YWHAB: variants seen among roughly 807,000 people sequenced by gnomAD.
YWHAB encodes 14-3-3 protein beta/alpha.
YWHAB carries 2 observed loss-of-function variants against 28.5 expected under a neutral mutation model. The observed-to-expected ratio is 0.07, with a 90% CI of 0.03 to 0.22. YWHAB has a LOEUF of 0.22. Ranked by LOEUF, YWHAB falls within the 10% of genes least tolerant of loss-of-function variation. The pLI, the probability that YWHAB is intolerant of heterozygous loss-of-function variation, is 1.00. For synonymous variants in YWHAB, 103 were observed against 104.7 expected, an observed-to-expected ratio of 0.98 and a Z score of 0.10; for missense variants, 148 against 297.1, an observed-to-expected ratio of 0.50 and a Z score of 3.69.
intron 1 of YWHAB, among the ~76,000 whole-genome samples, chr20:44,893,805 T>C (rs1170024416): frequency 2.7e-5 from 4 of 150,622 alleles, no homozygotes; most frequent in Non-Finnish European, 5.9e-5. Context: ...TTCAAGTGAT[T>C]ATCCTGCCTC....
intron 2 of YWHAB, chr20:44,903,165 CT>C: frequency 1.1e-6 from 1 of 918,080 alleles, no homozygotes; most frequent in Non-Finnish European, 1.3e-6. Context: ...ATAGTATTAG[CT>C]ACTCTTTGAG....
intron 1 of YWHAB, among the ~76,000 whole-genome samples, chr20:44,891,009 GT>G (rs2066558325): frequency 6.6e-6 from 1 of 152,118 alleles, no homozygotes; most frequent in African/African-American, 2.4e-5. Flanking sequence ...CTGACCATTG[GT>G]TTTTTAAGTT....
chr20:44,904,159 C>T (rs772753360), intron 3 of YWHAB, 43 bp downstream of exon 3: 7 of 1,606,630 alleles, frequency 4.4e-6, no homozygotes, highest in Middle Eastern at 1.7e-4. Flanking sequence ...GTAATGGAGC[C>T]AGTCTTCTTT....
intron 1 of YWHAB, chr20:44,886,249 C>T (rs573592907): frequency 3.3e-5 from 5 of 152,468 alleles, no homozygotes; most frequent in African/African-American, 9.6e-5. Context: ...AGAACGTCCC[C>T]TTCAGCCCTG....
intron 1 of YWHAB, among the ~76,000 whole-genome samples, chr20:44,894,363 AG>A: frequency 6.6e-6 from 1 of 152,344 alleles, no homozygotes; most frequent in East Asian, 1.9e-4. Context: ...AGACAAATAA[AG>A]AGTATCTTGC....
At chr20:44,889,124 A>G (rs1223586136) in intron 1 of YWHAB, among the ~76,000 whole-genome samples, 1 of 152,318 alleles carries the variant, frequency 6.6e-6, no homozygotes, top group East Asian at 1.9e-4. Flanking sequence ...TCACTAGTTA[A>G]GGGGCAAGAA....
intron 1 of YWHAB, 55 bp from the exon 2 acceptor site, chr20:44,901,476 C>T: frequency 6.6e-7 from 1 of 1,512,380 alleles, no homozygotes; most frequent in Non-Finnish European, 8.9e-7. Context: ...ACACACGTTT[C>T]CTAGGCCCCG....
Position 44,906,423 on chromosome 20 carries a change from G to C in YWHAB, c.726G>C (p.Gly242=). 6.2e-7 allele frequency: 1 copy of C among 1,612,484 alleles called. No homozygotes were observed. Among genetic ancestry groups the C allele is most frequent in the South Asian group, 1.1e-5 (1 of 91,004 alleles). ...ACCAGGGAGACGAAGGAGACGCTGG[G>C]GAGGGAGAGAACTAATGTTTCTCGT... ...SENQGDEGDA[G]EGEN is the part of the protein sequence containing the mutation. The change falls in exon 6 of 6, where the codon GGG becomes GGC. Residue 242 remains glycine (G), a synonymous_variant. Coordinates refer to ENST00000353703, the MANE Select transcript of YWHAB (RefSeq NM_139323.4).
intron 1 of YWHAB, among the ~76,000 whole-genome samples, chr20:44,891,704 A>G (rs1396221388): frequency 1.3e-5 from 2 of 152,328 alleles, no homozygotes; most frequent in Non-Finnish European, 2.9e-5. Flanking sequence ...ATCATGGCTA[A>G]TTGGACATAA....
intron 1 of YWHAB, among the ~76,000 whole-genome samples, chr20:44,899,151 C>G (rs924542728): frequency 2.0e-5 from 3 of 150,794 alleles, no homozygotes; most frequent in African/African-American, 7.3e-5. Flanking sequence ...ATTGTGATAC[C>G]ATGTATGTAG....
Position 44,901,851 on chromosome 20 carries a change from C to G in YWHAB, c.300+18C>G, listed in dbSNP as rs754726003. ...ATGTTCTGGTAAGAGGCCAGTGCTTCTGTTTTGAACAGTGGTTTCTAAATA... is the reference window on the plus strand; with the variant it reads ...ATGTTCTGGTAAGAGGCCAGTGCTTGTGTTTTGAACAGTGGTTTCTAAATA... On this transcript the variant is annotated intron_variant, in intron 2 of 5. Transcript: ENST00000353703. 9 of 1,571,092 alleles carry G rather than the reference C, an allele frequency of 5.7e-6. No homozygotes were observed. The African/African-American group carries it at 1.2e-4, about 21-fold the overall frequency.
At chr20:44,891,839 CTG>C (rs1180284069) in intron 1 of YWHAB, among the ~76,000 whole-genome samples, 1 of 152,182 alleles carries the variant, frequency 6.6e-6, no homozygotes, top group Non-Finnish European at 1.5e-5. Context: ...TACAGATATG[CTG>C]TGTTTTGTTT....
chr20:44,889,170 A>G (rs917910032), intron 1 of YWHAB, among the ~76,000 whole-genome samples: 5 of 152,210 alleles, frequency 3.3e-5, no homozygotes, highest in African/African-American at 1.2e-4. Context: ...TAAGCTTTAG[A>G]ATCCTTTTGA....
Position 44,905,014 on chromosome 20 carries a change from T to C in YWHAB, c.471T>C (p.Ile157=), listed in dbSNP as rs1601098915. ...SQQAYQEAFE[I]SKKEMQPTHP... is the part of the protein sequence containing the mutation. Reference sequence around the variant, plus strand: ...AGGCTTACCAGGAAGCATTTGAAATTAGTAAGAAAGAAATGCAGCCTACAC... The same window carrying C: ...AGGCTTACCAGGAAGCATTTGAAATCAGTAAGAAAGAAATGCAGCCTACAC... The change falls in exon 4 of 6, where the codon ATT becomes ATC. Residue 157 remains isoleucine (I), a synonymous_variant. Transcript: ENST00000353703. The C allele has an allele frequency of 1.9e-6, 3 of 1,611,338 alleles. No homozygotes were observed. Among genetic ancestry groups the C allele is most frequent in the Admixed American group, 1.7e-5 (1 of 59,734 alleles).
Position 44,908,182 on chromosome 20 carries a change from A to G in YWHAB, c.*1744A>G, listed in dbSNP as rs1237872797. 1 of 152,560 alleles carries G rather than the reference A, an allele frequency of 6.6e-6. No homozygotes were observed. The highest frequency in any genetic ancestry group is 1.5e-5 in the Non-Finnish European group (1 of 68,030). 9.5% of individuals were successfully genotyped at this position (152,560 alleles called of 1,614,324 possible). On this transcript the variant is annotated 3_prime_UTR_variant, in exon 6 of 6. Coordinates refer to ENST00000353703, the MANE Select transcript of YWHAB (RefSeq NM_139323.4). ...AAAAAAAAAGAAAAAAACAAAAAAA[A>G]AAATCCCTCCTTTCTAGCTGAACAA...
At chr20:44,902,091 C>G in intron 2 of YWHAB, 1 of 355,026 alleles carries the variant, frequency 2.8e-6, no homozygotes, top group Non-Finnish European at 5.1e-6. Flanking sequence ...TTTTTTCAGC[C>G]TCCCTCCATC....
chr20:44,907,699 C>G lies in YWHAB; in HGVS notation c.*1261C>G, dbSNP rs1431704190. On this transcript the variant is annotated 3_prime_UTR_variant, in exon 6 of 6. Coordinates refer to ENST00000353703, the MANE Select transcript of YWHAB (RefSeq NM_139323.4). ...TCTGTCTTTTGTTCACTTTTTAATG[C>G]TATATATGGGCAGGGGTGAGAGACA... The G allele has an allele frequency of 6.6e-6, 1 of 151,832 alleles. No homozygotes were observed. The highest frequency in any genetic ancestry group is 1.5e-5 in the Non-Finnish European group (1 of 67,990). The allele number at this position is 151,832 out of a possible 1,614,324, so 9.4% of individuals were successfully genotyped here. A position where few individuals can be genotyped will look rare whatever the true frequency, so the allele number is the denominator to read the frequency against.
intron 1 of YWHAB, among the ~76,000 whole-genome samples, chr20:44,893,789 C>T (rs1417556550): frequency 6.6e-6 from 1 of 151,100 alleles, no homozygotes; most frequent in Non-Finnish European, 1.5e-5. Flanking sequence ...ACCTCCACCT[C>T]CTGGGTTCAA....
At chr20:44,897,455 A>G (rs2066602551) in intron 1 of YWHAB, among the ~76,000 whole-genome samples, 1 of 152,208 alleles carries the variant, frequency 6.6e-6, no homozygotes, top group Non-Finnish European at 1.5e-5. Flanking sequence ...TTGTTGGGTC[A>G]TTGAAAGTTG....
Sources: allele counts gnomAD v4.1 joint callset (sites outside exome capture counted in the v4.1 genomes callset), GRCh38; gene constraint gnomAD v4.1.1; transcripts MANE v1.5; gene names NCBI Gene and HGNC (gene_info 2026-07-23, HGNC 2026-07-21).